The following AP3B1 variants were observed in gnomAD, a reference collection of about 807,000 sequenced individuals.
The protein encoded by AP3B1 is AP-3 complex subunit beta-1.
Under a neutral mutation model 132.5 loss-of-function variants are expected in AP3B1, and 61 were observed. That is an observed-to-expected ratio of 0.46 (90% CI 0.37 to 0.57). The LOEUF is 0.57. Ranked by LOEUF, AP3B1 falls within the 20% of genes least tolerant of loss-of-function variation. The pLI is 0.00. For synonymous variants in AP3B1, 388 were observed against 438.3 expected, an observed-to-expected ratio of 0.89 and a Z score of 1.43; for missense variants, 1,120 against 1,289.4, an observed-to-expected ratio of 0.87 and a Z score of 2.01.
At chr5:78,228,527 A>G (rs1359555200) in intron 3 of AP3B1, among the ~76,000 whole-genome samples, 1 of 152,224 alleles carries the variant, frequency 6.6e-6, no homozygotes, top group Non-Finnish European at 1.5e-5. Flanking sequence ...AATATTAACT[A>G]AATTGTAAAA....
chr5:78,016,130 G>C (rs1442999433), intron 25 of AP3B1, among the ~76,000 whole-genome samples: 1 of 152,014 alleles, frequency 6.6e-6, no homozygotes, highest in East Asian at 1.9e-4. Flanking sequence ...CTTGTCTAGT[G>C]AATGGAAAGT....
intron 7 of AP3B1, among the ~76,000 whole-genome samples, chr5:78,184,686 CA>C (rs772722596): frequency 5.4e-4 from 60 of 110,478 alleles, no homozygotes; most frequent in Admixed American, 7.4e-4. Context: ...GACACTGTCT[CA>C]AAAAAAAAAA....
At chr5:78,043,835 C>T in intron 22 of AP3B1, 1 of 366,194 alleles carries the variant, frequency 2.7e-6, no homozygotes, top group Non-Finnish European at 5.4e-6. Context: ...CCAGGGAATA[C>T]ACCCTGACTT....
intron 2 of AP3B1, among the ~76,000 whole-genome samples, chr5:78,252,213 G>A (rs1747667046): frequency 6.6e-6 from 1 of 152,198 alleles, no homozygotes; most frequent in Admixed American, 6.5e-5. Flanking sequence ...GGGCCTTGGT[G>A]AACCACTGAG....
intron 26 of AP3B1, among the ~76,000 whole-genome samples, chr5:78,004,018 AAAAC>A (rs1369186861): frequency 6.6e-6 from 1 of 152,192 alleles, no homozygotes; most frequent in African/African-American, 2.4e-5. Context: ...TGACTGGAGA[AAAAC>A]AAAGTTGCTG....
intron 7 of AP3B1, among the ~76,000 whole-genome samples, chr5:78,211,464 A>G (rs767747818): frequency 3.3e-5 from 5 of 152,218 alleles, no homozygotes; most frequent in Non-Finnish European, 7.3e-5. Context: ...TCTGCCCCTG[A>G]AGAAGCTTGT....
intron 26 of AP3B1, among the ~76,000 whole-genome samples, chr5:78,008,090 G>A (rs1489774919): frequency 6.6e-6 from 1 of 151,958 alleles, no homozygotes; most frequent in Non-Finnish European, 1.5e-5. Context: ...TCTTTATATA[G>A]GAAAGCTAAA....
intron 1 of AP3B1, among the ~76,000 whole-genome samples, chr5:78,281,940 G>A (rs1298543196): frequency 6.6e-6 from 1 of 152,002 alleles, no homozygotes; most frequent in Non-Finnish European, 1.5e-5. Context: ...AAGTTATTCA[G>A]GTGTATTTTA....
chr5:78,019,267 T>A (rs1746991416), intron 25 of AP3B1, among the ~76,000 whole-genome samples: 1 of 152,140 alleles, frequency 6.6e-6, no homozygotes, highest in South Asian at 2.1e-4. Context: ...GTATGGCTAG[T>A]CAGCGAAAAA....
intron 22 of AP3B1, among the ~76,000 whole-genome samples, chr5:78,076,802 T>C (rs1024663675): frequency 5.9e-5 from 9 of 152,290 alleles, no homozygotes; most frequent in South Asian, 4.1e-4. Context: ...TGGCTGGCAA[T>C]AGTCCATGCA....
chr5:78,095,429 C>T (rs1036954986), intron 21 of AP3B1, among the ~76,000 whole-genome samples: 2 of 152,160 alleles, frequency 1.3e-5, no homozygotes, highest in African/African-American at 4.8e-5. Flanking sequence ...AGTATCTGAG[C>T]AACAAACTGC....
At chr5:78,083,540 A>G (rs146076784) in intron 22 of AP3B1, among the ~76,000 whole-genome samples, 141 of 152,326 alleles carry the variant, frequency 9.3e-4, no homozygotes, top group African/African-American at 3.3e-3. Flanking sequence ...GTCTTGATTT[A>G]AACTCAGGAC....
intron 17 of AP3B1, among the ~76,000 whole-genome samples, chr5:78,123,674 C>G (rs1268196186): frequency 6.6e-6 from 1 of 151,954 alleles, no homozygotes; most frequent in Admixed American, 6.6e-5. Context: ...GTTAGAATGG[C>G]AATCATTAAA....
chr5:78,220,682 G>A (rs1478445574), intron 6 of AP3B1, among the ~76,000 whole-genome samples: 2 of 150,780 alleles, frequency 1.3e-5, no homozygotes, highest in African/African-American at 4.9e-5. Context: ...AAGTTTCACG[G>A]AGAAAATTAG....
chr5:78,002,872 G>A lies in AP3B1; in HGVS notation c.*30C>T. 1 of 1,614,090 alleles carries A rather than the reference G, an allele frequency of 6.2e-7. No individual in the cohort carries two copies. Among genetic ancestry groups the A allele is most frequent in the Non-Finnish European group, 8.5e-7 (1 of 1,179,938 alleles). ...TGGATGCCAGGCACTTTTGTTGTGT[G>A]CCAGATTCTAAAGTCCAGATGTAAG... On this transcript the variant is annotated 3_prime_UTR_variant, in exon 27 of 27. Transcript: ENST00000255194.
chr5:78,248,401 A>G (rs1161307118), intron 2 of AP3B1, among the ~76,000 whole-genome samples: 1 of 150,768 alleles, frequency 6.6e-6, no homozygotes, highest in East Asian at 1.9e-4. Context: ...GCTGAGGCAG[A>G]AGAATCACTT....
chr5:78,058,882 T>C lies in AP3B1; in HGVS notation c.2578-19608A>G, dbSNP rs114669756. Among the ~76,000 whole-genome samples, 840 of 152,336 alleles carry C rather than the reference T, an allele frequency of 5.5e-3. 6 individuals carry two copies. The highest frequency in any genetic ancestry group is 0.019 in the African/African-American group (802 of 41,562). On this transcript the variant is annotated intron_variant, in intron 22 of 26. Transcript: ENST00000255194. ...TATGAGTGCCATCACCCTGCCCTCCTGTTCCTCTGCAATTTGATAGGGTTG... is the reference window on the plus strand; with the variant it reads ...TATGAGTGCCATCACCCTGCCCTCCCGTTCCTCTGCAATTTGATAGGGTTG...
chr5:78,020,375 A>G (rs923970627), intron 25 of AP3B1, among the ~76,000 whole-genome samples: 1 of 152,164 alleles, frequency 6.6e-6, no homozygotes, highest in Admixed American at 6.6e-5. Context: ...AAAGTCCCCA[A>G]TTCCTGGCAC....
At chr5:78,172,921 C>A (rs1382446632) in intron 11 of AP3B1, among the ~76,000 whole-genome samples, 2 of 152,168 alleles carry the variant, frequency 1.3e-5, no homozygotes, top group South Asian at 4.2e-4. Context: ...TCCCTCTACA[C>A]ACTGCTTTAA....
Sources: gnomAD v4.1 joint callset for allele counts (sites outside exome capture counted in the v4.1 genomes callset) on GRCh38, gnomAD v4.1.1 for gene constraint, MANE v1.5 for transcripts, NCBI Gene and HGNC (gene_info 2026-07-23, HGNC 2026-07-21) for gene names.